GPHN: variants seen among roughly 807,000 people sequenced by gnomAD.
GPHN encodes the protein gephyrin.
A neutral mutation model predicts 95.5 loss-of-function variants in GPHN; 17 were observed. The ratio of observed to expected loss-of-function variants is 0.18; its 90% confidence interval spans 0.12 to 0.27. The LOEUF is 0.27. GPHN is among the 10% of genes least tolerant of loss of function. GPHN has a pLI of 1.00. For synonymous variants in GPHN, 320 were observed against 322.5 expected, an observed-to-expected ratio of 0.99 and a Z score of 0.08; for missense variants, 660 against 978.1, an observed-to-expected ratio of 0.67 and a Z score of 4.34.
At chr14:66,635,848 G>A (rs1385007458) in intron 1 of GPHN, among the ~76,000 whole-genome samples, 2 of 151,978 alleles carry the variant, frequency 1.3e-5, no homozygotes, top group African/African-American at 2.4e-5. Flanking sequence ...TTAAGAAAAA[G>A]TGATTTTAGG....
At chr14:66,710,129 A>G (rs113289665) in intron 2 of GPHN, among the ~76,000 whole-genome samples, 77 of 152,302 alleles carry the variant, frequency 5.1e-4, no homozygotes, top group African/African-American at 1.6e-3. Context: ...TACAACTGTA[A>G]ATGCTTTATA....
chr14:67,213,527 G>C, the GPHN span, among the ~76,000 whole-genome samples: 1 of 151,716 alleles, frequency 6.6e-6, no homozygotes, highest in Non-Finnish European at 1.5e-5. Flanking sequence ...GTATTCCATG[G>C]TGTATATGTG....
At chr14:67,067,329 TC>T (rs1296095001) in intron 11 of GPHN, among the ~76,000 whole-genome samples, 2 of 152,134 alleles carry the variant, frequency 1.3e-5, no homozygotes, top group Non-Finnish European at 2.9e-5. Flanking sequence ...GGAAGCTTCA[TC>T]CCAGAGGGAC....
the GPHN span, chr14:67,395,407 G>A: frequency 5.6e-6 from 9 of 1,613,676 alleles, no homozygotes; most frequent in South Asian, 8.8e-5. Context: ...CTCACTGCAG[G>A]CTGATGTGCG....
At chr14:67,216,015 T>C in the GPHN span, among the ~76,000 whole-genome samples, 1 of 152,172 alleles carries the variant, frequency 6.6e-6, no homozygotes, top group African/African-American at 2.4e-5. Flanking sequence ...GCGTGCAGTT[T>C]TAGATTTACA....
chr14:67,445,577 C>CTTTTTTTTTTTTTTTTTTTTTT, the GPHN span, among the ~76,000 whole-genome samples: 11 of 59,934 alleles, frequency 1.8e-4, 2 homozygotes, highest in African/African-American at 4.5e-4. Context: ...AGAGGCAATT[C>CTTTTTTTTTTTTTTTTTTTTTT]TTTTTTTTTT....
chr14:67,529,905 G>C, the GPHN span, among the ~76,000 whole-genome samples: 1 of 152,180 alleles, frequency 6.6e-6, no homozygotes, highest in African/African-American at 2.4e-5. Flanking sequence ...CCTTCCAACA[G>C]TAACTGAGAA....
At chr14:66,956,725 TG>T (rs1290487156) in intron 8 of GPHN, among the ~76,000 whole-genome samples, 1 of 152,150 alleles carries the variant, frequency 6.6e-6, no homozygotes, top group East Asian at 1.9e-4. Flanking sequence ...CACTTTTTGA[TG>T]GGGTTGTTTG....
At chr14:67,597,348 C>A in the GPHN span, among the ~76,000 whole-genome samples, 1 of 152,020 alleles carries the variant, frequency 6.6e-6, no homozygotes, top group Admixed American at 6.6e-5. Context: ...TGTGGTGGCA[C>A]ATGCCTGTAG....
the GPHN span, among the ~76,000 whole-genome samples, chr14:67,682,326 C>T: frequency 1.3e-5 from 2 of 152,130 alleles, no homozygotes; most frequent in African/African-American, 2.4e-5. Flanking sequence ...TAAAAGACAA[C>T]CCACAGAATG....
At chr14:66,929,586 A>G (rs2066668339) in intron 8 of GPHN, among the ~76,000 whole-genome samples, 1 of 151,822 alleles carries the variant, frequency 6.6e-6, no homozygotes, top group Non-Finnish European at 1.5e-5. Flanking sequence ...GTCTCTTTTT[A>G]TAGTGTTTGT....
the GPHN span, among the ~76,000 whole-genome samples, chr14:67,731,636 A>C: frequency 4.4e-3 from 663 of 152,150 alleles, 34 homozygotes; most frequent in East Asian, 0.1. Context: ...ATATGTAATT[A>C]ATATAAAAAT....
At chr14:67,535,013 G>GA in the GPHN span, among the ~76,000 whole-genome samples, 1 of 152,154 alleles carries the variant, frequency 6.6e-6, no homozygotes, top group South Asian at 2.1e-4. Context: ...CACACGATAG[G>GA]ATACATTAAA....
chr14:67,690,406 G>A, the GPHN span: 1 of 1,614,152 alleles, frequency 6.2e-7, no homozygotes, highest in East Asian at 2.2e-5. Flanking sequence ...CAGCAGATGG[G>A]TTAGGAGGAA....
the GPHN span, among the ~76,000 whole-genome samples, chr14:67,290,051 C>T: frequency 6.6e-6 from 1 of 152,090 alleles, no homozygotes; most frequent in Non-Finnish European, 1.5e-5. Context: ...GGATTACAGG[C>T]GTGAGCCACT....
At chr14:66,683,364 ATATATATATATATATG>A (rs2067086401) in intron 2 of GPHN, among the ~76,000 whole-genome samples, 6 of 27,136 alleles carry the variant, frequency 2.2e-4, no homozygotes, top group African/African-American at 6.6e-4. Flanking sequence ...ATATATATAT[ATATATATATATATATG>A]TTCATATATA....
intron 10 of GPHN, among the ~76,000 whole-genome samples, chr14:67,054,894 T>C (rs566316919): frequency 8.0e-4 from 121 of 152,110 alleles, no homozygotes; most frequent in Non-Finnish European, 1.5e-3. Context: ...GCTAGCCATA[T>C]GCAGAAAATT....
Position 66,589,956 on chromosome 14 carries a change from A to C in GPHN, c.64+81365A>C, listed in dbSNP as rs150663397. ...TAAAACACTCTTCAGCAAATGCAAA[A>C]GAATGGAAATCATAATAGTCTCTCA... On this transcript the variant is annotated intron_variant, in intron 1 of 22. Transcript: ENST00000478722. Among the ~76,000 whole-genome samples, 184 of 152,302 alleles carry C rather than the reference A, an allele frequency of 1.2e-3. 1 individual carries two copies. Among genetic ancestry groups the C allele is most frequent in the African/African-American group, 4.3e-3 (177 of 41,570 alleles).
chr14:67,507,837 G>A, the GPHN span, among the ~76,000 whole-genome samples: 2 of 152,086 alleles, frequency 1.3e-5, no homozygotes, highest in Admixed American at 6.6e-5. Context: ...CCACTGAAGC[G>A]GTTAAAAGAG....
Sources: allele counts gnomAD v4.1 joint callset (sites outside exome capture counted in the v4.1 genomes callset), GRCh38; gene constraint gnomAD v4.1.1; transcripts MANE v1.5; gene names NCBI Gene and HGNC (gene_info 2026-07-23, HGNC 2026-07-21).